Variants in PTBP2 observed in about 807,000 individuals in gnomAD.
The protein encoded by PTBP2 is polypyrimidine tract binding protein 2, also known as polypyrimidine tract-binding protein 2.
A neutral mutation model predicts 61.4 loss-of-function variants in PTBP2; 13 were observed. That is an observed-to-expected ratio of 0.21 (90% CI 0.14 to 0.34). The LOEUF is 0.34. PTBP2 is among the 10% of genes least tolerant of loss of function. The pLI is 1.00. For synonymous variants in PTBP2, 215 were observed against 218.5 expected (o/e 0.98, Z 0.14); for missense variants, 405 against 642.6 (o/e 0.63, Z 4.00).
rs1451579724 is a variant in PTBP2 at position 96,721,819 on chromosome 1, G to A, written c.-46G>A. The A allele has an allele frequency of 2.6e-6, 4 of 1,554,166 alleles. No homozygotes were observed. Among genetic ancestry groups the A allele is most frequent in the Admixed American group, 2.0e-5 (1 of 51,088 alleles). ...TTCTCGCCGCTTGTGTGGCTCGCTGGCTGCGTGGCTCGGTTCTTGTGAGCG... is the reference window on the plus strand; with the variant it reads ...TTCTCGCCGCTTGTGTGGCTCGCTGACTGCGTGGCTCGGTTCTTGTGAGCG... On this transcript the variant is annotated 5_prime_UTR_variant, in exon 1 of 14. Transcript: ENST00000674951.
chr1:96,779,633 A>G (rs1295745067), intron 7 of PTBP2, among the ~76,000 whole-genome samples: 3 of 152,096 alleles, frequency 2.0e-5, no homozygotes, highest in African/African-American at 7.2e-5. Flanking sequence ...CTTCTTGACA[A>G]AGATCTAAAG....
chr1:96,755,749 A>G (rs887600633), intron 3 of PTBP2, among the ~76,000 whole-genome samples: 4 of 152,224 alleles, frequency 2.6e-5, no homozygotes, highest in Non-Finnish European at 4.4e-5. Context: ...TACATCCTGT[A>G]TGATTCCATT....
chr1:96,778,006 T>TACATAC, intron 7 of PTBP2, 60 bp downstream of exon 7: 1 of 832,746 alleles, frequency 1.2e-6, no homozygotes, highest in Non-Finnish European at 1.9e-6. Flanking sequence ...TAGAAAAATA[T>TACATAC]ATATATATGT....
At chr1:96,760,873 T>C (rs940401443) in intron 3 of PTBP2, among the ~76,000 whole-genome samples, 15 of 152,328 alleles carry the variant, frequency 9.8e-5, no homozygotes, top group African/African-American at 3.6e-4. Flanking sequence ...ACTTTACTGA[T>C]AATGGTCCCA....
At chr1:96,811,696 G>A (rs1348429680) in intron 11 of PTBP2, among the ~76,000 whole-genome samples, 7 of 152,156 alleles carry the variant, frequency 4.6e-5, no homozygotes, top group Admixed American at 2.0e-4. Flanking sequence ...GATTACAGGC[G>A]TGAGCCAACG....
At position 96,723,609 on chromosome 1, in the gene PTBP2, T is replaced by C. The variant is rs1427816371; in HGVS notation, c.39+15T>C. On this transcript the variant is annotated intron_variant, in intron 2 of 13. Coordinates refer to ENST00000674951, the MANE Select transcript of PTBP2 (RefSeq NM_021190.4). ...TTGGCGTGAAGGTAGGAAAATACTA[T>C]GTTTGAAACTGGGATTGTTGGATCT... 1.3e-6 allele frequency: 2 copies of C among 1,560,640 alleles called. No homozygotes were observed. The highest frequency in any genetic ancestry group is 1.8e-6 in the Non-Finnish European group (2 of 1,141,730).
At chr1:96,809,336 T>C (rs1661811206) in intron 11 of PTBP2, among the ~76,000 whole-genome samples, 1 of 152,208 alleles carries the variant, frequency 6.6e-6, no homozygotes, top group East Asian at 1.9e-4. Flanking sequence ...TGGAACATTT[T>C]TGAAAAATCA....
chr1:96,722,894 G>A (rs895559932), intron 1 of PTBP2, among the ~76,000 whole-genome samples: 3 of 152,140 alleles, frequency 2.0e-5, no homozygotes, highest in Admixed American at 2.0e-4. Flanking sequence ...TTAGAAAGGG[G>A]GCACGCTTAA....
At chr1:96,820,954 T>C (rs479424) in exon 14 of PTBP2, 85,937 of 152,010 alleles carry the variant, frequency 0.57, 26,740 homozygotes, top group African/African-American at 0.84. Context: ...GTCTGATTCA[T>C]GTTATGACAG....
chr1:96,763,351 G>A (rs981635106), intron 3 of PTBP2, among the ~76,000 whole-genome samples: 7 of 152,242 alleles, frequency 4.6e-5, no homozygotes, highest in African/African-American at 1.7e-4. Context: ...CGAGGCTGGC[G>A]GATCACTCGC....
chr1:96,812,449 C>T (rs902988604), intron 11 of PTBP2, among the ~76,000 whole-genome samples: 1 of 152,088 alleles, frequency 6.6e-6, no homozygotes, highest in African/African-American at 2.4e-5. Context: ...GCTCACTATA[C>T]GATTTGTTAG....
intron 8 of PTBP2, among the ~76,000 whole-genome samples, chr1:96,803,516 G>C (rs1229080713): frequency 6.6e-6 from 1 of 151,840 alleles, no homozygotes; most frequent in Non-Finnish European, 1.5e-5. Context: ...GCCACTGACA[G>C]AGTTCTCAGA....
intron 8 of PTBP2, among the ~76,000 whole-genome samples, chr1:96,797,889 A>G (rs1422163304): frequency 1.3e-5 from 2 of 152,130 alleles, no homozygotes; most frequent in East Asian, 3.9e-4. Context: ...ATCGGAACCC[A>G]GAGATACAGA....
At chr1:96,789,314 C>G (rs961103165) in intron 8 of PTBP2, among the ~76,000 whole-genome samples, 1 of 152,020 alleles carries the variant, frequency 6.6e-6, no homozygotes, top group African/African-American at 2.4e-5. Flanking sequence ...TGAACAGATA[C>G]AACATTTATT....
intron 3 of PTBP2, among the ~76,000 whole-genome samples, chr1:96,758,525 G>A (rs1655418870): frequency 1.3e-5 from 2 of 152,056 alleles, no homozygotes; most frequent in African/African-American, 4.8e-5. Context: ...ACCTCCGGTA[G>A]AATATGAGAG....
chr1:96,788,193 G>A (rs1466399741), intron 8 of PTBP2, among the ~76,000 whole-genome samples: 2 of 152,044 alleles, frequency 1.3e-5, no homozygotes, highest in Non-Finnish European at 2.9e-5. Flanking sequence ...CATTCTTTCT[G>A]TTAGGATGTA....
rs1049891143 is a variant in PTBP2, at chr1:96,723,430, A to G, written c.9-134A>G. ...AGGTAAGTCACGGATCATCTGTGGT[A>G]TTTTTTATCCCCATCTGTGTGTGAG... On this transcript the variant is annotated intron_variant, in intron 1 of 13. Coordinates refer to ENST00000674951, the MANE Select transcript of PTBP2 (RefSeq NM_021190.4). The G allele has an allele frequency of 1.1e-5, 7 of 632,644 alleles. No individual in the cohort carries two copies. In the South Asian group the frequency reaches 1.5e-4, roughly 14 times the overall value. The allele number at this position is 632,644 out of a possible 1,614,324, so 39.2% of individuals were successfully genotyped here.
exon 14 of PTBP2, chr1:96,823,485 A>T (rs1227465938): frequency 6.6e-6 from 1 of 152,240 alleles, no homozygotes; most frequent in Non-Finnish European, 1.5e-5. Flanking sequence ...TTTATAAAAA[A>T]TGCTTACCCT....
chr1:96,727,371 CTT>C (rs1398386140), intron 2 of PTBP2, among the ~76,000 whole-genome samples: 1 of 151,822 alleles, frequency 6.6e-6, no homozygotes, highest in Non-Finnish European at 1.5e-5. Flanking sequence ...CTGTACAAGT[CTT>C]TGTATGGACA....
Sources: gnomAD v4.1 joint callset for allele counts (sites outside exome capture counted in the v4.1 genomes callset) on GRCh38, gnomAD v4.1.1 for gene constraint, MANE v1.5 for transcripts, NCBI Gene and HGNC (gene_info 2026-07-23, HGNC 2026-07-21) for gene names.